ESR2: variants seen among roughly 807,000 people sequenced by gnomAD.
ESR2 encodes estrogen receptor 2, also known as estrogen receptor beta.
In ESR2, 36 loss-of-function variants were observed where a neutral mutation model predicts 49.6. The ratio of observed to expected loss-of-function variants is 0.73; its 90% CI spans 0.56 to 0.96. The LOEUF is 0.96. Among genes scored for constraint, ESR2 ranks in the 40% least tolerant of loss-of-function variants. The pLI is 0.00. For synonymous variants in ESR2, 320 were observed against 266.1 expected (o/e 1.20, Z -1.97); for missense variants, 714 against 693.0 (o/e 1.03, Z -0.34).
intron 1 of ESR2, among the ~76,000 whole-genome samples, chr14:64,288,047 A>T (rs1005023128): frequency 6.6e-6 from 1 of 152,088 alleles, no homozygotes; most frequent in Non-Finnish European, 1.5e-5. Flanking sequence ...CCATAACCTA[A>T]AATAGTTGGT....
At chr14:64,256,426 G>A (rs1008173446) in intron 6 of ESR2, among the ~76,000 whole-genome samples, 1 of 152,162 alleles carries the variant, frequency 6.6e-6, no homozygotes, top group Non-Finnish European at 1.5e-5. Flanking sequence ...TATAGTACAT[G>A]CATTAGAATG....
chr14:64,334,835 C>T (rs1367178606), intron 1 of ESR2, among the ~76,000 whole-genome samples: 2 of 152,104 alleles, frequency 1.3e-5, no homozygotes, highest in Non-Finnish European at 2.9e-5. Context: ...TTAGTAGAGA[C>T]GGGGTTTCAC....
At chr14:64,327,279 G>A (rs2077401088) in intron 1 of ESR2, among the ~76,000 whole-genome samples, 1 of 152,052 alleles carries the variant, frequency 6.6e-6, no homozygotes, top group South Asian at 2.1e-4. Context: ...ATATATAGTT[G>A]GCCAGGCACA....
intron 1 of ESR2, among the ~76,000 whole-genome samples, chr14:64,286,770 C>A (rs1480432088): frequency 6.6e-6 from 1 of 152,116 alleles, no homozygotes; most frequent in Non-Finnish European, 1.5e-5. Flanking sequence ...CTGGAGAGTG[C>A]AGTGGTGTGA....
At chr14:64,258,741 T>C (rs1264340468) in intron 5 of ESR2, among the ~76,000 whole-genome samples, 2 of 152,228 alleles carry the variant, frequency 1.3e-5, no homozygotes, top group Non-Finnish European at 1.5e-5. Flanking sequence ...CAGTTTAGGT[T>C]CCTAATGTGT....
intron 1 of ESR2, among the ~76,000 whole-genome samples, chr14:64,305,261 A>C (rs1334128301): frequency 6.8e-6 from 1 of 146,958 alleles, no homozygotes; most frequent in East Asian, 2.0e-4. Context: ...ACTGCACTCC[A>C]GCCTGGGCGA....
intron 3 of ESR2, among the ~76,000 whole-genome samples, chr14:64,274,862 C>T (rs563685896): frequency 1.3e-5 from 2 of 152,290 alleles, no homozygotes; most frequent in East Asian, 3.9e-4. Context: ...CATTGACACA[C>T]TGGTTGTTCA....
chr14:64,227,818 G>C, downstream of ESR2: 1 of 1,573,264 alleles, frequency 6.4e-7, no homozygotes, highest in Non-Finnish European at 8.6e-7. Flanking sequence ...TTATGAGGTA[G>C]TCTGGGTTTT....
chr14:64,296,274 T>C (rs528669658), upstream of ESR2, among the ~76,000 whole-genome samples: 13 of 152,138 alleles, frequency 8.5e-5, no homozygotes, highest in Admixed American at 2.0e-4. Context: ...CAGTGAGATA[T>C]TGACTCCACT....
chr14:64,230,834 T>C lies in ESR2; in HGVS notation c.*2303A>G, dbSNP rs1324854193. On this transcript the variant is annotated 3_prime_UTR_variant, in exon 9 of 9. Transcript: ENST00000341099. ...CACTCCCAGGAGTAGAAGTGATCTCTGTCTTAAGATCTACTCTCAAAAAAA... is the reference window on the plus strand; with the variant it reads ...CACTCCCAGGAGTAGAAGTGATCTCCGTCTTAAGATCTACTCTCAAAAAAA... 1 of 149,460 alleles carries C rather than the reference T, an allele frequency of 6.7e-6. No homozygotes were observed. The highest frequency in any genetic ancestry group is 1.5e-5 in the Non-Finnish European group (1 of 67,576). The allele number at this position is 149,460 out of a possible 1,614,324, so 9.3% of individuals were successfully genotyped here. A position where few individuals can be genotyped will look rare whatever the true frequency, so the allele number is the denominator to read the frequency against.
intron 1 of ESR2, among the ~76,000 whole-genome samples, chr14:64,336,936 C>A (rs1175738537): frequency 6.6e-6 from 1 of 152,226 alleles, no homozygotes; most frequent in South Asian, 2.1e-4. Flanking sequence ...CCATTCCTTG[C>A]CCTTTTAATT....
intron 3 of ESR2, among the ~76,000 whole-genome samples, chr14:64,270,335 C>G (rs1451031357): frequency 6.6e-6 from 1 of 152,114 alleles, no homozygotes; most frequent in Non-Finnish European, 1.5e-5. Context: ...AGGACTGTCC[C>G]ACCTCTGCAG....
intron 3 of ESR2, among the ~76,000 whole-genome samples, chr14:64,269,422 T>C (rs1414552311): frequency 6.6e-6 from 1 of 152,250 alleles, no homozygotes; most frequent in East Asian, 1.9e-4. Context: ...AGAGTTGTGG[T>C]GGATTACCGT....
intron 1 of ESR2, among the ~76,000 whole-genome samples, chr14:64,315,313 C>G (rs2077240910): frequency 1.3e-5 from 2 of 148,202 alleles, no homozygotes; most frequent in Admixed American, 1.4e-4. Flanking sequence ...AATGCAAGGT[C>G]TATTACTACA....
At chr14:64,272,582 G>A (rs929901421) in intron 3 of ESR2, among the ~76,000 whole-genome samples, 1 of 152,186 alleles carries the variant, frequency 6.6e-6, no homozygotes, top group South Asian at 2.1e-4. Flanking sequence ...TATATGGTGA[G>A]AGATAGGGAT....
chr14:64,338,095 C>A (rs1250707685), exon 1 of ESR2: 1 of 154,858 alleles, frequency 6.5e-6, no homozygotes, highest in Non-Finnish European at 1.5e-5. Context: ...CGTCCCCTCT[C>A]GACAGTTAAC....
At position 64,229,682 on chromosome 14, in the gene ESR2, C is replaced by A. The variant is rs2098725436; in HGVS notation, c.*3455G>T. On this transcript the variant is annotated 3_prime_UTR_variant, in exon 9 of 9. Coordinates refer to ENST00000341099, the MANE Select transcript of ESR2 (RefSeq NM_001437.3). Reference sequence around the variant, plus strand: ...TTGGACTGCCTGTGTTCAGCTCAATCACCTACTCCCCACGTGACCTTCAGC... The same window carrying A: ...TTGGACTGCCTGTGTTCAGCTCAATAACCTACTCCCCACGTGACCTTCAGC... Among the ~76,000 whole-genome samples the A allele has an allele frequency of 6.6e-6, 1 of 152,222 alleles. No homozygotes were observed. Among genetic ancestry groups the A allele is most frequent in the Non-Finnish European group, 1.5e-5 (1 of 68,034 alleles).
At chr14:64,302,185 TTTATTTA>T (rs1445910101) in intron 1 of ESR2, among the ~76,000 whole-genome samples, 12 of 149,452 alleles carry the variant, frequency 8.0e-5, no homozygotes, top group African/African-American at 2.7e-4. Flanking sequence ...TATTTATTTA[TTTATTTA>T]TTTATTTATT....
At chr14:64,271,560 A>G (rs1203956101) in intron 3 of ESR2, among the ~76,000 whole-genome samples, 1 of 152,200 alleles carries the variant, frequency 6.6e-6, no homozygotes, top group Non-Finnish European at 1.5e-5. Context: ...TCCTGAGCTC[A>G]GGCAATCTGC....
Sources: gnomAD v4.1 joint callset for allele counts (sites outside exome capture counted in the v4.1 genomes callset) on GRCh38, gnomAD v4.1.1 for gene constraint, MANE v1.5 for transcripts, NCBI Gene and HGNC (gene_info 2026-07-23, HGNC 2026-07-21) for gene names.